TMC1: variants seen among roughly 807,000 people sequenced by gnomAD.
TMC1 encodes the protein transmembrane channel like 1.
TMC1 carries 84 observed loss-of-function variants against 105.8 expected under a neutral mutation model. That is an observed-to-expected ratio of 0.79 (90% CI 0.67 to 0.95). The LOEUF is 0.95. TMC1 is among the 40% of genes least tolerant of loss of function. The pLI, the probability that TMC1 is intolerant of heterozygous loss-of-function variation, is 0.00. For synonymous variants in TMC1, 315 were observed against 311.5 expected (o/e 1.01, Z -0.12); for missense variants, 817 against 914.1 (o/e 0.89, Z 1.37).
intron 2 of TMC1, among the ~76,000 whole-genome samples, chr9:72,579,892 G>A (rs1445259512): frequency 6.6e-6 from 1 of 150,718 alleles, no homozygotes; most frequent in African/African-American, 2.4e-5. Flanking sequence ...CTCATAACCT[G>A]GTCTATAAAT....
In TMC1 at chr9:72,792,323, G is replaced by C; in HGVS notation, c.1537G>C (p.Gly513Arg). 6.2e-7 allele frequency: 1 copy of C among 1,614,092 alleles called. No homozygotes were observed. Among genetic ancestry groups the C allele is most frequent in the South Asian group, 1.1e-5 (1 of 91,074 alleles). The part of the protein sequence containing the change: ...FFVHPADVPR[G>R]PCWETMVGQE... ...TGTTCACCCTGCAGATGTACCTCGA[G>C]GACCTTGCTGGGAAACAATGGTGGG... Residue 513 changes from glycine to arginine, a missense_variant, in exon 17 of 24, where the codon GGA becomes CGA. Physicochemically the swap from Gly to Arg is moderately radical, Grantham distance 125 (BLOSUM62 -2). Coordinates refer to ENST00000297784, the MANE Select transcript of TMC1 (RefSeq NM_138691.3).
Position 72,752,873 on chromosome 9 carries a change from C to T in TMC1, c.642+917C>T, listed in dbSNP as rs534360828. 3.9e-5 allele frequency among the ~76,000 whole-genome samples: 6 copies of T among 152,232 alleles called. No homozygotes were observed. In the South Asian group the frequency reaches 8.3e-4, roughly 21 times the overall value. ...ACATAATAATAATAATAATGCTTTA[C>T]ATTCATAAAGAGATTTGAGCTTTTA... is the stretch of plus-strand genomic sequence containing the variant. On this transcript the variant is annotated intron_variant, in intron 11 of 23. Transcript: ENST00000297784.
chr9:72,827,452 A>G (rs116010353), intron 21 of TMC1, among the ~76,000 whole-genome samples: 1,565 of 152,278 alleles, frequency 0.01, 25 homozygotes, highest in African/African-American at 0.036. Flanking sequence ...AAGGGCTTCA[A>G]GGGTCTTAAA....
chr9:72,594,967 G>C (rs2132108125), intron 2 of TMC1, among the ~76,000 whole-genome samples: 1 of 152,024 alleles, frequency 6.6e-6, no homozygotes, highest in Non-Finnish European at 1.5e-5. Flanking sequence ...CCAGGTTCAA[G>C]TGATTCTTCT....
intron 1 of TMC1, among the ~76,000 whole-genome samples, chr9:72,571,984 G>A (rs924296487): frequency 6.6e-6 from 1 of 151,566 alleles, no homozygotes; most frequent in Non-Finnish European, 1.5e-5. Flanking sequence ...TTACAGGCAT[G>A]TACTACCACA....
chr9:72,615,307 T>C lies in TMC1; in HGVS notation c.-305-1061T>C, dbSNP rs12686325. 5.5e-4 allele frequency among the ~76,000 whole-genome samples: 84 copies of C among 152,350 alleles called. No individual in the cohort carries two copies. The East Asian group carries it at 0.016, about 29-fold the overall frequency. On this transcript the variant is annotated intron_variant, in intron 2 of 23. Coordinates refer to ENST00000297784, the MANE Select transcript of TMC1 (RefSeq NM_138691.3). ...AGAAAACTGAGTCATAAAGAGGTTA[T>C]GTACTTGGCTGAAAGTCACACAGTC...
rs1210608730 is a variant in TMC1, at chr9:72,529,593, CA to C, written c.-428+7687del. On this transcript the variant is annotated intron_variant, in intron 1 of 23. Transcript: ENST00000297784. The stretch of plus-strand genomic sequence containing the variant: ...TGTGTGGATACTGTATTAGTTAAGA[CA>C]AAAAAATCTGGCTTCATATGTTATA... Among the ~76,000 whole-genome samples, 5 of 150,932 alleles carry C rather than the reference CA, an allele frequency of 3.3e-5. No homozygotes were observed. In the South Asian group the frequency reaches 6.3e-4, roughly 19 times the overall value.
chr9:72,785,921 T>C (rs1382437947), intron 13 of TMC1, among the ~76,000 whole-genome samples: 1 of 152,192 alleles, frequency 6.6e-6, no homozygotes, highest in African/African-American at 2.4e-5. Context: ...TCTTGTGTGG[T>C]CTTATCCTGT....
intron 1 of TMC1, among the ~76,000 whole-genome samples, chr9:72,528,585 C>CG (rs551192307): frequency 1.2e-3 from 184 of 152,240 alleles, no homozygotes; most frequent in African/African-American, 4.3e-3. Context: ...CCACCCGCCT[C>CG]GGCCTCCCAA....
chr9:72,778,867 G>C (rs1323002103), intron 13 of TMC1, among the ~76,000 whole-genome samples: 2 of 152,106 alleles, frequency 1.3e-5, no homozygotes, highest in East Asian at 3.9e-4. Context: ...CCACCCAACT[G>C]TTGGAGAGCT....
intron 1 of TMC1, among the ~76,000 whole-genome samples, chr9:72,559,097 TC>T (rs1399916718): frequency 6.6e-6 from 1 of 150,936 alleles, no homozygotes; most frequent in Admixed American, 6.6e-5. Context: ...GGAAGATTTT[TC>T]TTTTTTTTTT....
At chr9:72,601,191 C>G (rs1013939582) in intron 2 of TMC1, among the ~76,000 whole-genome samples, 2 of 131,914 alleles carry the variant, frequency 1.5e-5, no homozygotes, top group African/African-American at 3.0e-5. Context: ...CACACACACA[C>G]ACAGACACAC....
chr9:72,601,621 G>A (rs1005403837), intron 2 of TMC1, among the ~76,000 whole-genome samples: 2 of 152,152 alleles, frequency 1.3e-5, no homozygotes, highest in African/African-American at 4.8e-5. Context: ...CTCCAGTCTG[G>A]GTGACAGAGT....
At chr9:72,742,591 A>G in intron 10 of TMC1, 66 bp downstream of exon 10, 36 of 1,328,542 alleles carry the variant, frequency 2.7e-5, no homozygotes, top group Non-Finnish European at 3.9e-5. Context: ...AGCTTATCAG[A>G]TGCCTTTGTC....
chr9:72,635,833 C>T (rs1010814947), intron 4 of TMC1, among the ~76,000 whole-genome samples: 131 of 152,160 alleles, frequency 8.6e-4, no homozygotes, highest in Non-Finnish European at 1.0e-3. Context: ...CAGATGCTGT[C>T]ATATCACCTC....
At chr9:72,553,713 T>G (rs1378269855) in intron 1 of TMC1, among the ~76,000 whole-genome samples, 4 of 152,200 alleles carry the variant, frequency 2.6e-5, no homozygotes, top group African/African-American at 9.6e-5. Context: ...GTATAAAAAC[T>G]ACTATGGCTA....
chr9:72,645,299 G>T (rs1373522156), intron 4 of TMC1, among the ~76,000 whole-genome samples: 4 of 152,154 alleles, frequency 2.6e-5, no homozygotes, highest in Non-Finnish European at 5.9e-5. Context: ...GCCCAGATCA[G>T]CTGCAGGCAA....
chr9:72,830,317 A>G (rs1449274000), intron 21 of TMC1, 134 bp from the exon 22 acceptor site: 2 of 705,830 alleles, frequency 2.8e-6, no homozygotes, highest in African/African-American at 3.6e-5. Flanking sequence ...CTATAAGACA[A>G]GAGATTTAGA....
chr9:72,728,961 G>A, intron 8 of TMC1, among the ~76,000 whole-genome samples: 1 of 151,892 alleles, frequency 6.6e-6, no homozygotes, highest in Non-Finnish European at 1.5e-5. Context: ...TAAGATGCTG[G>A]CATGACCTCT....
Sources: gnomAD v4.1 joint callset for allele counts (sites outside exome capture counted in the v4.1 genomes callset) on GRCh38, gnomAD v4.1.1 for gene constraint, MANE v1.5 for transcripts, NCBI Gene and HGNC (gene_info 2026-07-23, HGNC 2026-07-21) for gene names.